Variants in CHADL observed in about 807,000 individuals in gnomAD.
The protein encoded by CHADL is chondroadherin-like protein.
Under a neutral mutation model 52.1 loss-of-function variants are expected in CHADL, and 48 were observed. The observed-to-expected ratio is 0.92, with a 90% CI of 0.73 to 1.17. CHADL has a LOEUF of 1.17. CHADL is among the 50% of genes most tolerant of loss of function. CHADL has a pLI of 0.00. For synonymous variants in CHADL, 498 were observed against 511.2 expected, an observed-to-expected ratio of 0.97 and a Z score of 0.35; for missense variants, 977 against 1,035.1, an observed-to-expected ratio of 0.94 and a Z score of 0.77.
In CHADL at chr22:41,237,713, C is replaced by A; in HGVS notation, c.1359G>T (p.Ser453=). 2.6e-6 allele frequency: 4 copies of A among 1,541,240 alleles called. No individual in the cohort carries two copies. The highest frequency in any genetic ancestry group is 1.2e-5 in the South Asian group (1 of 83,228). Residue 453 remains serine (S), a synonymous_variant, in exon 3 of 6, where the codon TCG becomes TCT. Transcript: ENST00000216241. ...AAFPGLGHLV[S]LHLQHCGIAE... is the part of the protein sequence containing the mutation. ...CGATGCCGCAGTGCTGCAGGTGCAG[C>A]GACACCAGGTGGCCCAGGCCGGGGA...
intron 5 of CHADL, chr22:41,230,318 T>C (rs1309909792): frequency 8.9e-7 from 1 of 1,128,884 alleles, no homozygotes; most frequent in Non-Finnish European, 1.3e-6. Flanking sequence ...ACCACCACCA[T>C]GCCTCCACCT....
chr22:41,240,926 C>T lies in CHADL; in HGVS notation c.-45G>A, dbSNP rs1362425808. On this transcript the variant is annotated 5_prime_UTR_variant, in exon 1 of 6. Coordinates refer to ENST00000216241, the MANE Select transcript of CHADL (RefSeq NM_138481.2). ...CCAGCCTGGAGGCGCAGCGCAGGGACAGGCTGTCCCCGCCTGGCAGGAGCC... is the reference window on the plus strand; with the variant it reads ...CCAGCCTGGAGGCGCAGCGCAGGGATAGGCTGTCCCCGCCTGGCAGGAGCC... 17 of 1,538,154 alleles carry T rather than the reference C, an allele frequency of 1.1e-5. No homozygotes were observed. The East Asian group carries it at 4.2e-4, about 38-fold the overall frequency.
chr22:41,236,569 C>T lies in CHADL; in HGVS notation c.1978G>A (p.Ala660Thr), dbSNP rs2032744078. ...LQKNQLRALP[A>T]LPSLSQLELI... ...TCCAGCTGGCTGAGACTGGGCAGGG[C>T]AGGCAGGGCCCGAAGCTGGTTCTTC... Residue 660 changes from alanine to threonine, a missense_variant, in exon 4 of 6, where the codon GCC becomes ACC. Ala to Thr is a moderately conservative substitution (Grantham distance 58). Coordinates refer to ENST00000216241, the MANE Select transcript of CHADL (RefSeq NM_138481.2). 3.9e-6 allele frequency: 6 copies of T among 1,551,362 alleles called. No individual in the cohort carries two copies. Among genetic ancestry groups the T allele is most frequent in the Non-Finnish European group, 5.2e-6 (6 of 1,146,940 alleles).
chr22:41,237,036 G>A, intron 3 of CHADL, 140 bp downstream of exon 3: 2 of 888,824 alleles, frequency 2.3e-6, no homozygotes, highest in Non-Finnish European at 3.3e-6. Context: ...GGTAGGGGCA[G>A]TCCTGGTTTA....
chr22:41,234,032 T>C (rs1313185386), intron 5 of CHADL, among the ~76,000 whole-genome samples: 1 of 152,076 alleles, frequency 6.6e-6, no homozygotes, highest in African/African-American at 2.4e-5. Flanking sequence ...TATGTCAGGA[T>C]GGTGAATGTA....
In CHADL at chr22:41,237,505, G is replaced by C. The variant is rs774242325; in HGVS notation, c.1567C>G (p.Leu523Val). ...PGAALRALPS[L>V]FSLHLQDNAV... ...TTGTCCTGCAGGTGCAGGGAGAAGA[G>C]GCTGGGCAGGGCGCGCAGGGCAGCC... The change falls in exon 3 of 6, where the codon CTC (leucine) becomes GTC (valine). Residue 523 changes from leucine to valine, a missense_variant. Transcript: ENST00000216241. 7.7e-6 allele frequency: 12 copies of C among 1,550,518 alleles called. No homozygotes were observed. The highest frequency in any genetic ancestry group is 1.7e-4 in the Middle Eastern group (1 of 5,992).
intron 5 of CHADL, chr22:41,230,047 G>A (rs2032479535): frequency 1.1e-6 from 1 of 923,572 alleles, no homozygotes; most frequent in Non-Finnish European, 1.7e-6. Context: ...GCCCCCATCT[G>A]TAGGGAGCCA....
In CHADL at chr22:41,238,037, C is replaced by T; in HGVS notation, c.1035G>A (p.Glu345=). Residue 345 remains glutamate, a synonymous_variant, in exon 3 of 6, where the codon GAG becomes GAA. Coordinates refer to ENST00000216241, the MANE Select transcript of CHADL (RefSeq NM_138481.2). This position sits in a 1 kb window ranked among gnomAD's most constrained non-coding sequence, Gnocchi z 4.9. The part of the protein sequence containing the change: ...ACQGPRRLRG[E]ALDALRPWDL... ...CCCAGGGCCGCAGGGCGTCCAGAGC[C>T]TCGCCCCGCAGGCGCCGCGGCCCCT... The T allele has an allele frequency of 7.8e-7, 1 of 1,275,666 alleles. No homozygotes were observed. Among genetic ancestry groups the T allele is most frequent in the Non-Finnish European group, 9.8e-7 (1 of 1,018,192 alleles). 79.0% of individuals were successfully genotyped at this position (1,275,666 alleles called of 1,614,324 possible). A position where few individuals can be genotyped will look rare whatever the true frequency, so the allele number is the denominator to read the frequency against.
intron 5 of CHADL, 124 bp downstream of exon 5, chr22:41,235,021 G>A (rs2032712655): frequency 2.0e-6 from 2 of 999,858 alleles, no homozygotes; most frequent in Non-Finnish European, 3.0e-6. Flanking sequence ...ACGCAACTGG[G>A]TCATTGCCCA....
chr22:41,238,009 G>A lies in CHADL; in HGVS notation c.1063C>T (p.Leu355=), dbSNP rs895227077. ...TGCGCCGCGTCCCCAGGGCAGCGCA[G>A]GTCCCAGGGCCGCAGGGCGTCCAGA... ...EALDALRPWD[L]RCPGDAAQEE... is the part of the protein sequence containing the mutation. The change falls in exon 3 of 6, where the codon CTG becomes TTG. Residue 355 remains leucine, a synonymous_variant. Coordinates refer to ENST00000216241, the MANE Select transcript of CHADL (RefSeq NM_138481.2). This position sits in a 1 kb window ranked among gnomAD's most constrained non-coding sequence, Gnocchi z 4.9. 6.2e-6 allele frequency: 8 copies of A among 1,283,720 alleles called. No individual in the cohort carries two copies. Among genetic ancestry groups the A allele is most frequent in the Non-Finnish European group, 7.8e-6 (8 of 1,021,936 alleles). The allele number at this position is 1,283,720 out of a possible 1,614,324, so 79.5% of individuals were successfully genotyped here.
chr22:41,236,156 G>A (rs1569158693), intron 4 of CHADL, among the ~76,000 whole-genome samples: 2 of 152,228 alleles, frequency 1.3e-5, no homozygotes, highest in Non-Finnish European at 1.5e-5. Context: ...ATAGGCGCGA[G>A]CCACCATCCC....
In CHADL at chr22:41,238,233, A is replaced by G. The variant is rs2032786604; in HGVS notation, c.839T>C (p.Leu280Pro). The change falls in exon 3 of 6, where the codon CTG becomes CCG. Residue 280 changes from leucine (L) to proline (P), a missense_variant. Transcript: ENST00000216241. The surrounding 1 kb of genome is among the most constrained non-coding windows in gnomAD (Gnocchi z 4.9). Reference sequence around the variant, plus strand: ...GTTCCCGCGGAGGTCGAGGGTGTGCAGGCGCGGACAGTGTGCGAAGGCCCT... The same window carrying G: ...GTTCCCGCGGAGGTCGAGGGTGTGCGGGCGCGGACAGTGTGCGAAGGCCCT... ...GPRAFAHCPRLHTLDLRGNQL... is the reference protein window; with the variant it reads ...GPRAFAHCPRPHTLDLRGNQL... 6.5e-7 allele frequency: 1 copy of G among 1,528,134 alleles called. No individual in the cohort carries two copies. Among genetic ancestry groups the G allele is most frequent in the Non-Finnish European group, 8.7e-7 (1 of 1,144,326 alleles). 94.7% of individuals were successfully genotyped at this position (1,528,134 alleles called of 1,614,324 possible).
intron 5 of CHADL, among the ~76,000 whole-genome samples, chr22:41,232,174 T>C (rs1049254633): frequency 1.6e-4 from 25 of 151,536 alleles, no homozygotes; most frequent in African/African-American, 5.8e-4. Flanking sequence ...CTACTAAAAA[T>C]ACAAAAAATT....
chr22:41,231,815 C>G (rs1569156962), intron 5 of CHADL, among the ~76,000 whole-genome samples: 2 of 152,128 alleles, frequency 1.3e-5, no homozygotes, highest in African/African-American at 4.8e-5. Context: ...CAAATCCAGA[C>G]CCTTCAGGAA....
intron 5 of CHADL, among the ~76,000 whole-genome samples, chr22:41,229,933 C>T (rs1195479625): frequency 6.6e-6 from 1 of 152,156 alleles, no homozygotes; most frequent in South Asian, 2.1e-4. Context: ...CAGATTGGCA[C>T]ATGGCAGTGT....
In CHADL at chr22:41,232,906, C is replaced by A. The variant is rs573777295; in HGVS notation, c.2262+2239G>T. Among the ~76,000 whole-genome samples the A allele has an allele frequency of 7.9e-5, 12 of 152,244 alleles. No individual in the cohort carries two copies. The South Asian group carries it at 2.5e-3, about 32-fold the overall frequency. On this transcript the variant is annotated intron_variant, in intron 5 of 5. Transcript: ENST00000216241. ...CAACTGAGATTAGTATTGCTCTCAT[C>A]AACGATAGTTCCGGGTCTGGCTTCC...
At chr22:41,234,112 C>T (rs1179324847) in intron 5 of CHADL, among the ~76,000 whole-genome samples, 1 of 152,160 alleles carries the variant, frequency 6.6e-6, no homozygotes, top group East Asian at 1.9e-4. Flanking sequence ...CCTGCACTTC[C>T]ACTCTCCCCA....
chr22:41,236,766 T>G, intron 3 of CHADL, 116 bp from the exon 4 acceptor site: 1 of 1,082,386 alleles, frequency 9.2e-7, no homozygotes, highest in Non-Finnish European at 1.3e-6. Flanking sequence ...CCCAAGCTGG[T>G]CCAGCCAGGA....
At position 41,238,263 on chromosome 22, in the gene CHADL, C is replaced by T. The variant is rs2032787845; in HGVS notation, c.809G>A (p.Gly270Asp). 6.5e-7 allele frequency: 1 copy of T among 1,530,594 alleles called. No homozygotes were observed. The highest frequency in any genetic ancestry group is 8.7e-7 in the Non-Finnish European group (1 of 1,144,926). 94.8% of individuals were successfully genotyped at this position (1,530,594 alleles called of 1,614,324 possible). ...CGGACAGTGTGCGAAGGCCCTGGGA[C>T]CCAGGGCCTGCAGGGCCCCGCCGTC... is the stretch of plus-strand genomic sequence containing the variant. ...LLDGGALQAL[G>D]PRAFAHCPRL... Residue 270 changes from glycine to aspartate, a missense_variant, in exon 3 of 6, where the codon GGT becomes GAT. Coordinates refer to ENST00000216241, the MANE Select transcript of CHADL (RefSeq NM_138481.2). The surrounding 1 kb of genome is among the most constrained non-coding windows in gnomAD (Gnocchi z 4.9).
Sources: gnomAD v4.1 joint callset for allele counts (sites outside exome capture counted in the v4.1 genomes callset) on GRCh38, gnomAD v4.1.1 for gene constraint, Gnocchi (gnomAD v3.1) non-coding constraint, MANE v1.5 for transcripts, NCBI Gene and HGNC (gene_info 2026-07-23, HGNC 2026-07-21) for gene names.